Variants in PALD1 observed in about 807,000 individuals in gnomAD.
The protein encoded by PALD1 is paladin.
In PALD1, 57 loss-of-function variants were observed where a neutral mutation model predicts 96.0. The observed-to-expected ratio is 0.59, with a 90% CI of 0.48 to 0.74. The LOEUF (loss-of-function observed/expected upper bound fraction) is 0.74. PALD1 is among the 30% of genes least tolerant of loss of function. The pLI is 0.00. For synonymous variants in PALD1, 464 were observed against 473.6 expected (o/e 0.98, Z 0.26); for missense variants, 1,063 against 1,143.7 (o/e 0.93, Z 1.02).
intron 1 of PALD1, among the ~76,000 whole-genome samples, chr10:70,507,256 A>AT (rs990417364): frequency 6.6e-6 from 1 of 151,480 alleles, no homozygotes; most frequent in African/African-American, 2.4e-5. Flanking sequence ...ACAAAAAAAA[A>AT]AAAAAATTAG....
intron 10 of PALD1, among the ~76,000 whole-genome samples, chr10:70,537,421 G>C (rs1001448232): frequency 1.3e-5 from 2 of 152,222 alleles, no homozygotes; most frequent in Non-Finnish European, 2.9e-5. Context: ...AGTTCTTAAG[G>C]GAGGGCCTCT....
Position 70,539,576 on chromosome 10 carries a change from C to T in PALD1, c.1726-4C>T. The T allele has an allele frequency of 6.2e-7, 1 of 1,604,992 alleles. No individual in the cohort carries two copies. Among genetic ancestry groups the T allele is most frequent in the East Asian group, 2.2e-5 (1 of 44,708 alleles). On this transcript the variant is annotated splice_region_variant and splice_polypyrimidine_tract_variant and intron_variant, in intron 14 of 19. Transcript: ENST00000263563. The surrounding 1 kb of genome is among the most constrained non-coding windows in gnomAD (Gnocchi z 4.5). ...CCTGTGTCCTCCCTCCTGCCCTTGCCCAGACCCTGGAGGCCCAGCTGAAGG... is the reference window on the plus strand; with the variant it reads ...CCTGTGTCCTCCCTCCTGCCCTTGCTCAGACCCTGGAGGCCCAGCTGAAGG...
At chr10:70,493,398 C>T (rs968078614) in intron 1 of PALD1, among the ~76,000 whole-genome samples, 1 of 152,248 alleles carries the variant, frequency 6.6e-6, no homozygotes, top group African/African-American at 2.4e-5. Flanking sequence ...GCTCTGCGGA[C>T]AGTGATGTCT....
At chr10:70,502,449 G>A (rs140799679) in intron 1 of PALD1, among the ~76,000 whole-genome samples, 37 of 149,850 alleles carry the variant, frequency 2.5e-4, no homozygotes, top group African/African-American at 8.9e-4. Context: ...TTGTGGCCCT[G>A]TCTTTCCCTG....
chr10:70,476,850 G>T (rs1272965281), upstream of PALD1, among the ~76,000 whole-genome samples: 3 of 151,926 alleles, frequency 2.0e-5, no homozygotes, highest in Admixed American at 6.6e-5. Flanking sequence ...GTGGATCCCA[G>T]CATCTGCTGG....
chr10:70,511,028 C>T (rs1234520072), intron 1 of PALD1, among the ~76,000 whole-genome samples: 3 of 152,282 alleles, frequency 2.0e-5, no homozygotes, highest in South Asian at 2.1e-4. Context: ...TCCGCCCAAA[C>T]GTGGAGCTGC....
intron 2 of PALD1, 22 bp from the exon 3 acceptor site, chr10:70,529,207 T>TTGGG: frequency 5.1e-6 from 2 of 391,770 alleles, no homozygotes; most frequent in Non-Finnish European, 9.2e-6. Context: ...GTTTCCATTC[T>TTGGG]GCCCCCCCCC....
At chr10:70,460,113 G>A in the PALD1 span, among the ~76,000 whole-genome samples, 2 of 152,136 alleles carry the variant, frequency 1.3e-5, no homozygotes, top group Non-Finnish European at 2.9e-5. Flanking sequence ...CTTAGCTTTC[G>A]TGCGGCTAAG....
intron 18 of PALD1, among the ~76,000 whole-genome samples, chr10:70,559,524 G>A (rs1005921983): frequency 2.0e-5 from 3 of 152,176 alleles, no homozygotes; most frequent in Admixed American, 6.5e-5. Context: ...GGCGGGAGAG[G>A]TGGCAGGGGG....
chr10:70,523,834 T>C (rs1431030162), intron 1 of PALD1, among the ~76,000 whole-genome samples: 1 of 151,984 alleles, frequency 6.6e-6, no homozygotes, highest in Non-Finnish European at 1.5e-5. Context: ...GGAGGGCCGA[T>C]GAGTCTGGAG....
the PALD1 span, among the ~76,000 whole-genome samples, chr10:70,466,081 C>T: frequency 1.3e-5 from 2 of 152,202 alleles, no homozygotes; most frequent in African/African-American, 4.8e-5. Flanking sequence ...TCTCTACCTC[C>T]TCCACATGCT....
intron 1 of PALD1, among the ~76,000 whole-genome samples, chr10:70,501,862 TG>T (rs1476729067): frequency 3.3e-5 from 4 of 121,578 alleles, no homozygotes; most frequent in African/African-American, 1.1e-4. Context: ...CCTGTGTTCA[TG>T]CACATTTGTA....
In PALD1 at chr10:70,538,463, C is replaced by T. The variant is rs553033566; in HGVS notation, c.1452+55C>T. 240 of 1,561,078 alleles carry T rather than the reference C, an allele frequency of 1.5e-4. 8 individuals are homozygous for T. In the South Asian group the frequency reaches 2.7e-3, roughly 18 times the overall value. Reference sequence around the variant, plus strand: ...GCATGGCTGTGTACTGGCCCTGGCCCCTAAACACTGGATTCCTGTAGGGTT... The same window carrying T: ...GCATGGCTGTGTACTGGCCCTGGCCTCTAAACACTGGATTCCTGTAGGGTT... On this transcript the variant is annotated intron_variant, in intron 12 of 19. Coordinates refer to ENST00000263563, the MANE Select transcript of PALD1 (RefSeq NM_014431.3).
chr10:70,514,250 C>G (rs1199001551), intron 1 of PALD1, among the ~76,000 whole-genome samples: 1 of 152,220 alleles, frequency 6.6e-6, no homozygotes. Flanking sequence ...TCAAAGGCTC[C>G]CCAGGGATTG....
intron 1 of PALD1, among the ~76,000 whole-genome samples, chr10:70,501,927 C>CT (rs201466034): frequency 2.3e-4 from 33 of 145,374 alleles, no homozygotes; most frequent in East Asian, 1.6e-3. Context: ...CCTGTAGTGT[C>CT]TTTTTTTTTT....
Position 70,540,289 on chromosome 10 carries a change from G to A in PALD1, c.1908+527G>A, listed in dbSNP as rs574750342. Among the ~76,000 whole-genome samples the A allele has an allele frequency of 2.0e-5, 3 of 152,008 alleles. No homozygotes were observed. Among genetic ancestry groups the A allele is most frequent in the Non-Finnish European group, 4.4e-5 (3 of 67,944 alleles). ...AGTGTGTGGGTGGTGTGTGGAATGTGTGTGTGTGTGCATGTCTTTTTATGG... is the reference window on the plus strand; with the variant it reads ...AGTGTGTGGGTGGTGTGTGGAATGTATGTGTGTGTGCATGTCTTTTTATGG... On this transcript the variant is annotated intron_variant, in intron 15 of 19. Transcript: ENST00000263563. This position sits in a 1 kb window ranked among gnomAD's most constrained non-coding sequence, Gnocchi z 4.2.
chr10:70,512,200 A>G (rs1216850505), intron 1 of PALD1, among the ~76,000 whole-genome samples: 1 of 152,244 alleles, frequency 6.6e-6, no homozygotes, highest in Non-Finnish European at 1.5e-5. Context: ...ACATGGCCCC[A>G]GGTCGCTGCA....
intron 18 of PALD1, among the ~76,000 whole-genome samples, chr10:70,555,362 T>C (rs1847582832): frequency 6.6e-6 from 1 of 152,128 alleles, no homozygotes; most frequent in African/African-American, 2.4e-5. Flanking sequence ...TTAGACCCAT[T>C]TGACTGAGAA....
chr10:70,530,686 T>G (rs1455409170), intron 4 of PALD1, among the ~76,000 whole-genome samples: 1 of 152,144 alleles, frequency 6.6e-6, no homozygotes, highest in Non-Finnish European at 1.5e-5. Flanking sequence ...TGCATCTGAA[T>G]TGACCCCGGA....
Sources: gnomAD v4.1 joint callset for allele counts (sites outside exome capture counted in the v4.1 genomes callset) on GRCh38, gnomAD v4.1.1 for gene constraint, Gnocchi (gnomAD v3.1) non-coding constraint, MANE v1.5 for transcripts, NCBI Gene and HGNC (gene_info 2026-07-23, HGNC 2026-07-21) for gene names.